RFT1: variants seen among roughly 807,000 people sequenced by gnomAD.
RFT1 encodes the protein man(5)GlcNAc(2)-PP-dolichol translocation protein RFT1.
A neutral mutation model predicts 62.2 loss-of-function variants in RFT1; 43 were observed. That is an observed-to-expected ratio of 0.69 (90% CI 0.54 to 0.89). The LOEUF (loss-of-function observed/expected upper bound fraction) is 0.89. RFT1 is among the 40% of genes least tolerant of loss of function. The pLI is 0.00. For synonymous variants in RFT1, 262 were observed against 264.6 expected, an observed-to-expected ratio of 0.99 and a Z score of 0.10; for missense variants, 605 against 649.9, an observed-to-expected ratio of 0.93 and a Z score of 0.75.
intron 10 of RFT1, 139 bp from the exon 11 acceptor site, chr3:53,099,625 A>C (rs531778309): frequency 1.4e-6 from 1 of 703,774 alleles, no homozygotes; most frequent in South Asian, 1.5e-5. Flanking sequence ...TGCATGCTAG[A>C]GCCCAGGGTC....
At chr3:53,119,638 G>A (rs1701909904) in intron 6 of RFT1, among the ~76,000 whole-genome samples, 1 of 152,150 alleles carries the variant, frequency 6.6e-6, no homozygotes, top group South Asian at 2.1e-4. Flanking sequence ...AGTGGTTTGA[G>A]GTCAGAGATG....
chr3:53,087,654 G>A (rs1401281297), downstream of RFT1, among the ~76,000 whole-genome samples: 1 of 152,048 alleles, frequency 6.6e-6, no homozygotes, highest in Non-Finnish European at 1.5e-5. Context: ...TCCCGTATAG[G>A]AACTACAGGT....
At chr3:53,093,727 C>T (rs1350157924) in intron 11 of RFT1, among the ~76,000 whole-genome samples, 1 of 151,706 alleles carries the variant, frequency 6.6e-6, no homozygotes, top group African/African-American at 2.4e-5. Context: ...TCTACAAAAC[C>T]CAGTAAAAAT....
At chr3:53,067,209 G>A in the RFT1 span, among the ~76,000 whole-genome samples, 12 of 152,266 alleles carry the variant, frequency 7.9e-5, no homozygotes, top group Admixed American at 1.3e-4. Flanking sequence ...AGCCGGGCAC[G>A]GTGGAGCATG....
intron 7 of RFT1, among the ~76,000 whole-genome samples, chr3:53,109,292 T>C (rs1701580868): frequency 6.6e-6 from 1 of 152,174 alleles, no homozygotes; most frequent in Non-Finnish European, 1.5e-5. Flanking sequence ...GTCACCTCTA[T>C]GACCCTGGTT....
downstream of RFT1, among the ~76,000 whole-genome samples, chr3:53,084,039 GCT>G (rs1028234353): frequency 5.1e-4 from 75 of 146,558 alleles, 1 homozygote; most frequent in African/African-American, 1.8e-3. Flanking sequence ...GTGGAGAAGA[GCT>G]CTGTTTTCCT....
At chr3:53,082,019 T>C in the RFT1 span, among the ~76,000 whole-genome samples, 4 of 152,146 alleles carry the variant, frequency 2.6e-5, no homozygotes, top group South Asian at 2.1e-4. Context: ...TCATGGCTTA[T>C]TGCAGCCTCG....
chr3:53,073,099 G>T, the RFT1 span, among the ~76,000 whole-genome samples: 5 of 152,214 alleles, frequency 3.3e-5, no homozygotes, highest in African/African-American at 4.8e-5. Context: ...TGTGCCACAG[G>T]GTTTCAGCCC....
intron 9 of RFT1, 37 bp from the exon 10 acceptor site, chr3:53,104,134 C>T (rs1256456260): frequency 6.2e-7 from 1 of 1,612,164 alleles, no homozygotes; most frequent in Admixed American, 1.7e-5. Flanking sequence ...TTGGATGAAT[C>T]ATGAGCTGAA....
At chr3:53,070,699 G>T in the RFT1 span, among the ~76,000 whole-genome samples, 2 of 151,496 alleles carry the variant, frequency 1.3e-5, no homozygotes, top group Non-Finnish European at 2.9e-5. Flanking sequence ...AAGTAAAAAT[G>T]CATTCATGTA....
At chr3:53,103,765 G>T in intron 10 of RFT1, 188 bp downstream of exon 10, 1 of 695,008 alleles carries the variant, frequency 1.4e-6, no homozygotes, top group Non-Finnish European at 2.5e-6. Flanking sequence ...TGGCGCCAAC[G>T]CCCCTGCCTA....
intron 7 of RFT1, among the ~76,000 whole-genome samples, chr3:53,108,246 T>C (rs1418934934): frequency 6.6e-6 from 1 of 151,510 alleles, no homozygotes. Flanking sequence ...GTAGATGGGT[T>C]TCACCATGTT....
At chr3:53,121,907 G>A in intron 4 of RFT1, 107 bp from the exon 5 acceptor site, 2 of 865,120 alleles carry the variant, frequency 2.3e-6, no homozygotes, top group South Asian at 1.4e-5. Context: ...GGCTGTGGGG[G>A]CAGGGCACAC....
At chr3:53,116,502 C>T (rs1257278326) in intron 6 of RFT1, among the ~76,000 whole-genome samples, 5 of 151,664 alleles carry the variant, frequency 3.3e-5, no homozygotes, top group Admixed American at 2.6e-4. Flanking sequence ...CCATGTTTCC[C>T]AGGCTGGTCT....
intron 6 of RFT1, among the ~76,000 whole-genome samples, chr3:53,116,010 T>C (rs1282967582): frequency 6.6e-6 from 1 of 152,252 alleles, no homozygotes; most frequent in Admixed American, 6.5e-5. Flanking sequence ...ATCTCTCATA[T>C]TAAATCCCTC....
Position 53,093,280 on chromosome 3 carries a change from A to G in RFT1, c.1209-662T>C, listed in dbSNP as rs1245589303. 2.6e-5 allele frequency among the ~76,000 whole-genome samples: 4 copies of G among 152,240 alleles called. No homozygotes were observed. The East Asian group carries it at 7.7e-4, about 29-fold the overall frequency. On this transcript the variant is annotated intron_variant, in intron 11 of 12. Coordinates refer to ENST00000296292, the MANE Select transcript of RFT1 (RefSeq NM_052859.4). ...TCTGCTATTTTCCAGACTCTTACATATCCTCACTCCCACTCTCTGTATCTC... is the reference window on the plus strand; with the variant it reads ...TCTGCTATTTTCCAGACTCTTACATGTCCTCACTCCCACTCTCTGTATCTC...
chr3:53,121,615 C>T, intron 5 of RFT1, 84 bp downstream of exon 5: 2 of 1,097,690 alleles, frequency 1.8e-6, no homozygotes, highest in Non-Finnish European at 1.4e-6. Context: ...ACTGTGAATG[C>T]AGACCACACG....
intron 10 of RFT1, among the ~76,000 whole-genome samples, chr3:53,100,774 G>A (rs1701288095): frequency 6.6e-6 from 1 of 152,158 alleles, no homozygotes; most frequent in Non-Finnish European, 1.5e-5. Context: ...TCTCTGAGGT[G>A]GAGTGGGGTA....
chr3:53,120,820 G>C (rs1040839090), intron 5 of RFT1, among the ~76,000 whole-genome samples: 19 of 152,326 alleles, frequency 1.2e-4, no homozygotes, highest in Non-Finnish European at 2.5e-4. Flanking sequence ...AAAAAGAAGA[G>C]TCTCACTTTA....
Sources: gnomAD v4.1 joint callset for allele counts (sites outside exome capture counted in the v4.1 genomes callset) on GRCh38, gnomAD v4.1.1 for gene constraint, MANE v1.5 for transcripts, NCBI Gene and HGNC (gene_info 2026-07-23, HGNC 2026-07-21) for gene names.